Variants in AKR1C8 observed in about 807,000 individuals in gnomAD.
AKR1C8 encodes aldo-keto reductase family 1 member C8.
chr10:5,146,643 T>C, the AKR1C8 span, among the ~76,000 whole-genome samples: 6 of 152,198 alleles, frequency 3.9e-5, no homozygotes, highest in African/African-American at 1.2e-4. Context: ...TACTTTTGAA[T>C]AGTTATGGAA....
chr10:5,184,965 C>T, the AKR1C8 span: 2 of 530,834 alleles, frequency 3.8e-6, no homozygotes, highest in South Asian at 2.8e-5. Flanking sequence ...GACTGCCCTG[C>T]AAGTACAGCT....
the AKR1C8 span, among the ~76,000 whole-genome samples, chr10:5,133,264 A>ATTTTTTTTTTTTTTTTTTTTT: frequency 6.6e-6 from 1 of 151,872 alleles, no homozygotes; most frequent in African/African-American, 2.4e-5. Context: ...TGCCAGTTAA[A>ATTTTTTTTTTTTTTTTTTTTT]TTTTTGTATT....
At chr10:5,116,188 T>G in the AKR1C8 span, among the ~76,000 whole-genome samples, 2 of 152,184 alleles carry the variant, frequency 1.3e-5, no homozygotes, top group South Asian at 2.1e-4. Flanking sequence ...TGATTTCATC[T>G]TGATAGCCCG....
the AKR1C8 span, among the ~76,000 whole-genome samples, chr10:5,145,435 G>A: frequency 1.1e-4 from 17 of 151,968 alleles, no homozygotes; most frequent in East Asian, 1.9e-4. Flanking sequence ...GAAAATTTTC[G>A]CAACCTACTC....
the AKR1C8 span, chr10:5,154,229 A>G: frequency 2.1e-6 from 1 of 468,688 alleles, no homozygotes; most frequent in Admixed American, 2.4e-5. Context: ...CCATTCTGTC[A>G]AAGAGTTTTT....
At chr10:5,121,587 G>A in the AKR1C8 span, among the ~76,000 whole-genome samples, 1 of 151,962 alleles carries the variant, frequency 6.6e-6, no homozygotes, top group Non-Finnish European at 1.5e-5. Context: ...TCTTACGGGA[G>A]GACATGGAAG....
At chr10:5,165,385 C>T in the AKR1C8 span, among the ~76,000 whole-genome samples, 2 of 152,100 alleles carry the variant, frequency 1.3e-5, no homozygotes, top group African/African-American at 2.4e-5. Context: ...TACAACACCT[C>T]CTAGGGGGAT....
At chr10:5,126,891 A>G in the AKR1C8 span, among the ~76,000 whole-genome samples, 2 of 152,148 alleles carry the variant, frequency 1.3e-5, no homozygotes, top group African/African-American at 4.8e-5. Context: ...ATAAACTATA[A>G]ACATTAAAGT....
At chr10:5,156,027 G>A in the AKR1C8 span, among the ~76,000 whole-genome samples, 1 of 152,118 alleles carries the variant, frequency 6.6e-6, no homozygotes, top group Admixed American at 6.5e-5. Context: ...TATTTATTGA[G>A]AATTGCTTGA....
chr10:5,164,337 C>T, the AKR1C8 span, among the ~76,000 whole-genome samples: 1 of 152,002 alleles, frequency 6.6e-6, no homozygotes, highest in Non-Finnish European at 1.5e-5. Flanking sequence ...CTATAGAGAG[C>T]TTTCTTCTTT....
the AKR1C8 span, among the ~76,000 whole-genome samples, chr10:5,156,427 G>A: frequency 6.6e-6 from 1 of 151,616 alleles, no homozygotes; most frequent in East Asian, 1.9e-4. Context: ...CATAGTCCCT[G>A]ATGAGGAGCC....
chr10:5,155,278 A>G, the AKR1C8 span: 1 of 152,202 alleles, frequency 6.6e-6, no homozygotes, highest in East Asian at 1.9e-4. Context: ...TCATTATTAC[A>G]TATGCATTAT....
the AKR1C8 span, among the ~76,000 whole-genome samples, chr10:5,163,408 T>A: frequency 6.6e-6 from 1 of 152,192 alleles, no homozygotes; most frequent in Non-Finnish European, 1.5e-5. Context: ...CTACCAAGAT[T>A]AAGCACATTG....
chr10:5,158,670 C>G, the AKR1C8 span: 1 of 491,572 alleles, frequency 2.0e-6, no homozygotes, highest in Non-Finnish European at 4.2e-6. Flanking sequence ...TTGCAGAACT[C>G]CAGGAGTTTG....
At chr10:5,167,543 C>A in the AKR1C8 span, among the ~76,000 whole-genome samples, 1 of 152,110 alleles carries the variant, frequency 6.6e-6, no homozygotes, top group South Asian at 2.1e-4. Flanking sequence ...GACAAAAAAC[C>A]AAACACCGCA....
the AKR1C8 span, among the ~76,000 whole-genome samples, chr10:5,179,896 T>C: frequency 8.6e-3 from 1,307 of 152,298 alleles, 28 homozygotes; most frequent in African/African-American, 0.03. Flanking sequence ...TCAAAGTTTT[T>C]AACTTCTTTG....
At chr10:5,119,124 A>T in the AKR1C8 span, among the ~76,000 whole-genome samples, 1 of 152,200 alleles carries the variant, frequency 6.6e-6, no homozygotes, top group Admixed American at 6.6e-5. Context: ...AACTCAAGGC[A>T]TTTACATTTT....
the AKR1C8 span, among the ~76,000 whole-genome samples, chr10:5,120,790 C>T: frequency 6.6e-6 from 1 of 152,066 alleles, no homozygotes; most frequent in African/African-American, 2.4e-5. Flanking sequence ...TCTCTATTCT[C>T]ATAATTAAAA....
the AKR1C8 span, among the ~76,000 whole-genome samples, chr10:5,174,772 G>A: frequency 6.6e-6 from 1 of 151,562 alleles, no homozygotes. Flanking sequence ...ATTATGAAAA[G>A]ACATAAAAAT....
Sources: gnomAD v4.1 joint callset for allele counts (sites outside exome capture counted in the v4.1 genomes callset) on GRCh38, gnomAD v4.1.1 for gene constraint, MANE v1.5 for transcripts, NCBI Gene and HGNC (gene_info 2026-07-23, HGNC 2026-07-21) for gene names.